DIABLO: variants seen among roughly 807,000 people sequenced by gnomAD.
The protein encoded by DIABLO is diablo homolog, mitochondrial.
A neutral mutation model predicts 31.7 loss-of-function variants in DIABLO; 32 were observed. The observed-to-expected ratio is 1.01, with a 90% confidence interval of 0.76 to 1.35. The LOEUF (loss-of-function observed/expected upper bound fraction) is 1.35, where lower values mean the gene tolerates loss of function less well. Ranked by LOEUF, DIABLO falls within the 40% of genes most tolerant of loss-of-function variation. DIABLO has a pLI of 0.00. For missense variants in DIABLO, 316 were observed against 286.4 expected (o/e 1.10, Z -0.75); for synonymous variants, 132 against 103.2 (o/e 1.28, Z -1.69).
chr12:122,214,278 T>G (rs1954155885), intron 5 of DIABLO, among the ~76,000 whole-genome samples: 1 of 152,038 alleles, frequency 6.6e-6, no homozygotes, highest in African/African-American at 2.4e-5. Context: ...CCTCCCAGGC[T>G]CAAGTGATCC....
intron 1 of DIABLO, chr12:122,225,371 A>G: frequency 9.1e-6 from 9 of 985,708 alleles, no homozygotes; most frequent in Non-Finnish European, 1.1e-5. Context: ...TGGGCGACAG[A>G]GGCAGATCTT....
chr12:122,211,077 T>TAAAAAAAAAAAAAAA lies in DIABLO; in HGVS notation c.524-2515_524-2501dup, dbSNP rs1156571584. Among the ~76,000 whole-genome samples the TAAAAAAAAAAAAAAA allele has an allele frequency of 4.2e-4, 6 of 14,344 alleles. 2 individuals are homozygous for TAAAAAAAAAAAAAAA. Among genetic ancestry groups the TAAAAAAAAAAAAAAA allele is most frequent in the African/African-American group, 1.2e-3 (5 of 4,172 alleles). 9.4% of individuals were successfully genotyped at this position (14,344 alleles called of 152,430 possible). Reference sequence around the variant, plus strand: ...TGATTTTCCTTTGTTTAGTTAAAAGTAAAAAAAAAAAAAAAAAAAAAAAAA... The same window carrying TAAAAAAAAAAAAAAA: ...TGATTTTCCTTTGTTTAGTTAAAAGTAAAAAAAAAAAAAAAAAAAAAAAAAAAAAAAAAAAAAAAA... On this transcript the variant is annotated intron_variant, in intron 5 of 5. Transcript: ENST00000464942.
At chr12:122,225,436 G>A (rs1954436811) in intron 1 of DIABLO, 1 of 998,788 alleles carries the variant, frequency 1.0e-6, no homozygotes, top group South Asian at 4.3e-5. Context: ...TTTAGAAACG[G>A]ATGCCACAAT....
chr12:122,225,708 CAG>C lies in DIABLO; in HGVS notation c.50+255_50+256del, dbSNP rs543078582. The C allele has an allele frequency of 1.4e-3, 1,981 of 1,413,062 alleles. 34 individuals carry two copies. The African/African-American group carries it at 0.026, about 18-fold the overall frequency. 87.5% of individuals were successfully genotyped at this position (1,413,062 alleles called of 1,614,324 possible). On this transcript the variant is annotated intron_variant, in intron 1 of 5. Coordinates refer to ENST00000464942, the MANE Select transcript of DIABLO (RefSeq NM_001371333.1). ...GACGAGGGCTGGTCAGGAGGCGGAG[CAG>C]CCCCAAGAAGGCAGCCCGGGGTCTC...
At chr12:122,212,056 G>A (rs1038462483) in intron 5 of DIABLO, among the ~76,000 whole-genome samples, 1 of 148,272 alleles carries the variant, frequency 6.7e-6, no homozygotes, top group African/African-American at 2.5e-5. Context: ...GGCTGGTCTC[G>A]AACTCTTGAC....
chr12:122,226,568 G>A, upstream of DIABLO: 3 of 697,712 alleles, frequency 4.3e-6, no homozygotes, highest in Non-Finnish European at 5.2e-6. Context: ...CCGGCATCGC[G>A]CTGCGCGGGA....
At chr12:122,215,534 G>C (rs762535213) in intron 5 of DIABLO, among the ~76,000 whole-genome samples, 4 of 152,190 alleles carry the variant, frequency 2.6e-5, no homozygotes, top group Non-Finnish European at 5.9e-5. Flanking sequence ...AACCCAGGAG[G>C]TGGAGGTTGC....
intron 2 of DIABLO, chr12:122,222,583 A>C (rs931913850): frequency 1.4e-5 from 2 of 139,782 alleles, no homozygotes; most frequent in African/African-American, 5.0e-5. Flanking sequence ...AAAAAAAAAA[A>C]AAAAAAAATT....
At chr12:122,208,687 A>G (rs777986782) in intron 5 of DIABLO, 110 bp from the exon 6 acceptor site, 2 of 1,053,372 alleles carry the variant, frequency 1.9e-6, no homozygotes, top group Non-Finnish European at 2.8e-6. Context: ...TCTTGGGGTC[A>G]CTTTCCTTGA....
chr12:122,217,133 T>C (rs1954232153), intron 3 of DIABLO: 4 of 420,410 alleles, frequency 9.5e-6, no homozygotes, highest in South Asian at 6.7e-5. Context: ...ACTTTAAAGG[T>C]TGAGGGGAAA....
At chr12:122,224,359 A>G (rs891248363) in intron 2 of DIABLO, among the ~76,000 whole-genome samples, 153 bp downstream of exon 2, 11 of 152,112 alleles carry the variant, frequency 7.2e-5, no homozygotes, top group African/African-American at 1.2e-4. Context: ...GAATATTAAT[A>G]TATCTGCTCA....
rs146313526 is a variant in DIABLO at position 122,224,861 on chromosome 12, G to A, written c.51-217C>T. The A allele has an allele frequency of 1.5e-5, 22 of 1,466,684 alleles. No homozygotes were observed. In the African/African-American group the frequency reaches 3.1e-4, roughly 20 times the overall value. The allele number at this position is 1,466,684 out of a possible 1,614,324, so 90.9% of individuals were successfully genotyped here. ...GCTCACGCCTGTAATCCTAGCACTT[G>A]GAAGGCCAAGGGCAAGGCGGGAGGA... On this transcript the variant is annotated intron_variant, in intron 1 of 5. Transcript: ENST00000464942.
upstream of DIABLO, chr12:122,226,763 C>T: frequency 7.2e-6 from 4 of 559,156 alleles, no homozygotes; most frequent in South Asian, 8.6e-5. Context: ...CCCAAACTGC[C>T]CTCGTTCTTC....
intron 5 of DIABLO, among the ~76,000 whole-genome samples, chr12:122,211,995 A>ATTT (rs34540420): frequency 7.2e-6 from 1 of 139,792 alleles, no homozygotes; most frequent in Admixed American, 7.1e-5. Flanking sequence ...TATTCCTATA[A>ATTT]TTTTTTTTTT....
chr12:122,216,852 A>C lies in DIABLO; in HGVS notation c.333T>G (p.Thr111=), dbSNP rs753412311. The stretch of plus-strand genomic sequence containing the variant: ...AACTTGTATATTGTCGGTAAAGAGA[A>C]GTTAAGGTATAAACAGCCTACAAAT... ...TEYTKAVYTL[T]SLYRQYTSLL... Residue 111 remains threonine, a synonymous_variant, in exon 4 of 6, where the codon ACT becomes ACG. Transcript: ENST00000464942. 6.2e-7 allele frequency: 1 copy of C among 1,613,944 alleles called. No individual in the cohort carries two copies. The highest frequency in any genetic ancestry group is 1.1e-5 in the South Asian group (1 of 91,082).
intron 5 of DIABLO, among the ~76,000 whole-genome samples, chr12:122,210,581 A>G (rs75632349): frequency 0.24 from 35,825 of 150,486 alleles, 5,379 homozygotes; most frequent in East Asian, 0.62. Context: ...GGGTTTCACC[A>G]CGTTAGCCAG....
At chr12:122,218,476 T>G (rs1593176848) in intron 2 of DIABLO, 79 bp from the exon 3 acceptor site, 1 of 1,580,742 alleles carries the variant, frequency 6.3e-7, no homozygotes, top group East Asian at 2.2e-5. Flanking sequence ...GCAAAAAACG[T>G]AATTGTCATG....
intron 2 of DIABLO, among the ~76,000 whole-genome samples, chr12:122,219,971 T>A (rs1370473267): frequency 8.1e-5 from 12 of 147,706 alleles, no homozygotes; most frequent in Non-Finnish European, 1.3e-4. Context: ...TGAGACAGAG[T>A]CTCACTCTAT....
chr12:122,217,886 G>A (rs1954250168), intron 3 of DIABLO: 2 of 252,986 alleles, frequency 7.9e-6, no homozygotes, highest in Non-Finnish European at 1.5e-5. Context: ...AGCAACCTCT[G>A]TTGATGGACC....
Sources: gnomAD v4.1 joint callset for allele counts (sites outside exome capture counted in the v4.1 genomes callset) on GRCh38, gnomAD v4.1.1 for gene constraint, MANE v1.5 for transcripts, NCBI Gene and HGNC (gene_info 2026-07-23, HGNC 2026-07-21) for gene names.